The following SBF2 variants were observed in gnomAD, a reference collection of about 807,000 sequenced individuals.
SBF2 encodes the protein myotubularin-related protein 13.
SBF2 carries 112 observed loss-of-function variants against 225.2 expected under a neutral mutation model. The ratio of observed to expected loss-of-function variants is 0.50; its 90% CI spans 0.43 to 0.58. SBF2 has a LOEUF of 0.58. Among genes scored for constraint, SBF2 ranks in the 20% least tolerant of loss-of-function variants. The pLI is 0.00. For missense variants in SBF2, 1,996 were observed against 2,206.2 expected (o/e 0.90, Z 1.91); for synonymous variants, 763 against 773.3 (o/e 0.99, Z 0.22).
At chr11:10,094,905 A>G (rs1198829322) in intron 2 of SBF2, among the ~76,000 whole-genome samples, 1 of 152,024 alleles carries the variant, frequency 6.6e-6, no homozygotes, top group African/African-American at 2.4e-5. Context: ...CTCATGAAGC[A>G]TAAAAAAAAA....
chr11:9,839,222 T>G, intron 26 of SBF2: 1 of 438,188 alleles, frequency 2.3e-6, no homozygotes, highest in South Asian at 2.2e-5. Context: ...TTATCTTTAG[T>G]CATGCTAGAA....
At chr11:9,924,373 A>G (rs970811677) in intron 16 of SBF2, among the ~76,000 whole-genome samples, 2 of 152,172 alleles carry the variant, frequency 1.3e-5, no homozygotes, top group African/African-American at 4.8e-5. Flanking sequence ...TGTTTAAAGT[A>G]TGCTAGGCTA....
intron 36 of SBF2, among the ~76,000 whole-genome samples, chr11:9,787,433 G>A (rs376739232): frequency 6.6e-5 from 10 of 152,280 alleles, no homozygotes; most frequent in African/African-American, 2.4e-4. Context: ...TTATGTCACT[G>A]TGGTGAAGTG....
At chr11:10,213,637 G>A (rs1565361315) in intron 1 of SBF2, among the ~76,000 whole-genome samples, 1 of 152,110 alleles carries the variant, frequency 6.6e-6, no homozygotes, top group African/African-American at 2.4e-5. Context: ...TCTGACTCTC[G>A]CTATTGGTCT....
intron 6 of SBF2, chr11:10,016,483 T>TATC (rs1369323255): frequency 6.6e-6 from 1 of 152,090 alleles, no homozygotes; most frequent in Non-Finnish European, 1.5e-5. Context: ...TTTACATTAT[T>TATC]ATTATTATTA....
intron 6 of SBF2, among the ~76,000 whole-genome samples, chr11:10,024,174 T>C (rs1435462290): frequency 6.6e-6 from 1 of 152,232 alleles, no homozygotes; most frequent in Non-Finnish European, 1.5e-5. Context: ...TTTAGCTTAG[T>C]AGTATTACAT....
chr11:10,017,973 T>C (rs1948712720), intron 6 of SBF2, among the ~76,000 whole-genome samples: 3 of 152,228 alleles, frequency 2.0e-5, no homozygotes, highest in Middle Eastern at 3.4e-3. Context: ...TCCTAGACTA[T>C]GTCTGTTCTG....
At chr11:10,255,270 T>A (rs1447534808) in intron 1 of SBF2, among the ~76,000 whole-genome samples, 5 of 152,230 alleles carry the variant, frequency 3.3e-5, no homozygotes, top group Non-Finnish European at 2.9e-5. Flanking sequence ...TAAGTTAATG[T>A]ATATGTTATT....
chr11:10,016,174 T>C (rs769186476), intron 6 of SBF2, among the ~76,000 whole-genome samples: 17 of 152,134 alleles, frequency 1.1e-4, no homozygotes, highest in Non-Finnish European at 2.1e-4. Context: ...ATAATCAGTA[T>C]CATTTAGTAT....
intron 14 of SBF2, among the ~76,000 whole-genome samples, chr11:9,967,993 A>ATATATATT (rs1724822511): frequency 1.6e-5 from 2 of 125,136 alleles, no homozygotes; most frequent in Admixed American, 1.9e-4. Context: ...ATATATATAA[A>ATATATATT]ATATATATAT....
intron 2 of SBF2, among the ~76,000 whole-genome samples, chr11:10,071,932 A>C (rs1454376771): frequency 6.6e-6 from 1 of 152,172 alleles, no homozygotes; most frequent in Non-Finnish European, 1.5e-5. Flanking sequence ...ATCAATACAG[A>C]AATTTGTAGG....
At chr11:10,184,787 C>T (rs760436098) in intron 2 of SBF2, among the ~76,000 whole-genome samples, 7 of 152,148 alleles carry the variant, frequency 4.6e-5, no homozygotes, top group African/African-American at 1.7e-4. Flanking sequence ...AGTGCAATGG[C>T]GTGATCTCCG....
At chr11:9,925,651 T>C (rs1371488768) in intron 16 of SBF2, among the ~76,000 whole-genome samples, 2 of 152,216 alleles carry the variant, frequency 1.3e-5, no homozygotes, top group Non-Finnish European at 2.9e-5. Flanking sequence ...TAACAGCACA[T>C]CTTGGTTTGA....
At chr11:10,022,989 C>T (rs978259690) in intron 6 of SBF2, among the ~76,000 whole-genome samples, 2 of 152,072 alleles carry the variant, frequency 1.3e-5, no homozygotes, top group Non-Finnish European at 1.5e-5. Flanking sequence ...ATAATACTTG[C>T]TTGTTTTTCT....
chr11:9,963,695 G>A, intron 15 of SBF2, 78 bp downstream of exon 15: 4 of 729,620 alleles, frequency 5.5e-6, no homozygotes, highest in Non-Finnish European at 9.8e-6. Context: ...TTAAAGAAGA[G>A]AGAAGCTGGT....
At chr11:9,865,684 G>A in intron 17 of SBF2, among the ~76,000 whole-genome samples, 1 of 33,666 alleles carries the variant, frequency 3.0e-5, no homozygotes, top group African/African-American at 2.0e-4. Flanking sequence ...GAGCAAAACT[G>A]TCTCAAAAAA....
At chr11:10,185,467 T>A (rs774974808) in intron 2 of SBF2, among the ~76,000 whole-genome samples, 4 of 152,176 alleles carry the variant, frequency 2.6e-5, no homozygotes, top group Non-Finnish European at 4.4e-5. Flanking sequence ...TTGGGGCTTT[T>A]TTTAGAGTTG....
rs11826694 is a variant in SBF2 at position 9,863,371 on chromosome 11, C to T, written c.1930-4975G>A. On this transcript the variant is annotated intron_variant, in intron 17 of 39. Transcript: ENST00000256190. The stretch of plus-strand genomic sequence containing the variant: ...CTCTCGTTTGGGAGCTCAGGGAAAA[C>T]CAGATTTCAGGAAAGAAGGCTAGCT... Among the ~76,000 whole-genome samples the T allele has an allele frequency of 3.3e-3, 508 of 152,286 alleles. 3 individuals carry two copies. The highest frequency in any genetic ancestry group is 0.012 in the African/African-American group (482 of 41,546).
chr11:10,221,280 G>C (rs1304887371), intron 1 of SBF2, among the ~76,000 whole-genome samples: 1 of 152,010 alleles, frequency 6.6e-6, no homozygotes, highest in East Asian at 1.9e-4. Context: ...GTCACGCCCA[G>C]CTAATTTTTG....
Sources: allele counts gnomAD v4.1 joint callset (sites outside exome capture counted in the v4.1 genomes callset), GRCh38; gene constraint gnomAD v4.1.1; transcripts MANE v1.5; gene names NCBI Gene and HGNC (gene_info 2026-07-23, HGNC 2026-07-21).